DLGAP4: variants seen among roughly 807,000 people sequenced by gnomAD.
The protein encoded by DLGAP4 is DLG associated protein 4, also known as disks large-associated protein 4.
A neutral mutation model predicts 86.9 loss-of-function variants in DLGAP4; 18 were observed. The ratio of observed to expected loss-of-function variants is 0.21; its 90% CI spans 0.14 to 0.31. The LOEUF (loss-of-function observed/expected upper bound fraction) is 0.31. Among genes scored for constraint, DLGAP4 ranks in the 10% least tolerant of loss-of-function variants. DLGAP4 has a pLI of 1.00. For missense variants in DLGAP4, 1,085 were observed against 1,362.6 expected (o/e 0.80, Z 3.21); for synonymous variants, 548 against 574.3 (o/e 0.95, Z 0.65).
chr20:36,396,468 CAT>C (rs1299574393), intron 2 of DLGAP4, among the ~76,000 whole-genome samples: 22 of 10,012 alleles, frequency 2.2e-3, no homozygotes, highest in African/African-American at 5.4e-3. Context: ...CACACACACA[CAT>C]ACACATCACA....
intron 7 of DLGAP4, chr20:36,461,925 C>T (rs2034099842): frequency 2.0e-6 from 2 of 985,016 alleles, no homozygotes; most frequent in Non-Finnish European, 2.4e-6. Flanking sequence ...TCAGAGCGCT[C>T]TTCAGCCCTC....
At chr20:36,400,423 A>G (rs1489051014) in intron 2 of DLGAP4, among the ~76,000 whole-genome samples, 1 of 152,200 alleles carries the variant, frequency 6.6e-6, no homozygotes, top group Non-Finnish European at 1.5e-5. Flanking sequence ...GTGCTTTACA[A>G]TATGAGTCGT....
chr20:36,327,301 A>G (rs1460854301), intron 1 of DLGAP4, among the ~76,000 whole-genome samples: 1 of 151,914 alleles, frequency 6.6e-6, no homozygotes, highest in African/African-American at 2.4e-5. Context: ...TGCCTGACCT[A>G]AGATTTACTC....
chr20:36,317,223 T>TTTTCTTTCTTTCTTTCTTTC (rs1229773592), intron 1 of DLGAP4, among the ~76,000 whole-genome samples: 1 of 93,774 alleles, frequency 1.1e-5, no homozygotes, highest in African/African-American at 4.0e-5. Flanking sequence ...TCCTCTCCTT[T>TTTTCTTTCTTTCTTTCTTTC]TTTCTTTCTT....
At position 36,500,070 on chromosome 20, in the gene DLGAP4, C is replaced by T. The variant is rs2036071114; in HGVS notation, c.2100-129C>T. The T allele has an allele frequency of 8.0e-6, 9 of 1,121,772 alleles. No homozygotes were observed. Among genetic ancestry groups the T allele is most frequent in the South Asian group, 4.9e-5 (3 of 60,632 alleles). 69.5% of individuals were successfully genotyped at this position (1,121,772 alleles called of 1,614,324 possible). A position where few individuals can be genotyped will look rare whatever the true frequency, so the allele number is the denominator to read the frequency against. ...TGGGGGCTGTGGGACCCGCTTCAGG[C>T]GCATGGTGAGCAGATGATGCATCCG... On this transcript the variant is annotated intron_variant, in intron 9 of 12. Transcript: ENST00000339266. This position sits in a 1 kb window ranked among gnomAD's most constrained non-coding sequence, Gnocchi z 4.6.
At chr20:36,472,327 C>T (rs747213780) in intron 7 of DLGAP4, among the ~76,000 whole-genome samples, 14 of 151,868 alleles carry the variant, frequency 9.2e-5, no homozygotes, top group African/African-American at 1.5e-4. Flanking sequence ...CATAGCGAAA[C>T]GCCGTCTCTA....
intron 2 of DLGAP4, among the ~76,000 whole-genome samples, chr20:36,429,802 A>G (rs1365417931): frequency 6.6e-6 from 1 of 152,192 alleles, no homozygotes; most frequent in African/African-American, 2.4e-5. Context: ...TCACATTTGC[A>G]AAATAACCAC....
chr20:36,438,703 C>CTTTTTT (rs35909803), intron 4 of DLGAP4, among the ~76,000 whole-genome samples: 1 of 69,528 alleles, frequency 1.4e-5, no homozygotes, highest in Non-Finnish European at 3.1e-5. Context: ...GTTTCCCCAT[C>CTTTTTT]TTTTTTTTTT....
intron 1 of DLGAP4, among the ~76,000 whole-genome samples, chr20:36,351,164 C>T (rs2030139138): frequency 6.6e-6 from 1 of 152,220 alleles, no homozygotes; most frequent in African/African-American, 2.4e-5. Context: ...ACCCACTGCT[C>T]CCACTCTGTT....
rs547332235 is a variant in DLGAP4 at position 36,335,957 on chromosome 20, A to C, written c.-304+29445A>C. Reference sequence around the variant, plus strand: ...GACCTGGCAGATCAGATCAGAGAGGAATATTGTCGAGTGAAGGATGACAGG... The same window carrying C: ...GACCTGGCAGATCAGATCAGAGAGGCATATTGTCGAGTGAAGGATGACAGG... On this transcript the variant is annotated intron_variant, in intron 1 of 12. Coordinates refer to ENST00000339266, the MANE Select transcript of DLGAP4 (RefSeq NM_001365621.2). Among the ~76,000 whole-genome samples, 3 of 152,180 alleles carry C rather than the reference A, an allele frequency of 2.0e-5. No homozygotes were observed. The South Asian group carries it at 6.2e-4, about 32-fold the overall frequency.
intron 2 of DLGAP4, among the ~76,000 whole-genome samples, chr20:36,376,029 C>T (rs1457970745): frequency 1.3e-5 from 2 of 152,016 alleles, no homozygotes; most frequent in African/African-American, 2.4e-5. Context: ...CAGTGTCTCT[C>T]GATCTGTTGC....
intron 2 of DLGAP4, among the ~76,000 whole-genome samples, chr20:36,375,387 A>ATGGGTCATCTCCAATACTT (rs1488444340): frequency 6.6e-6 from 1 of 152,182 alleles, no homozygotes; most frequent in East Asian, 1.9e-4. Flanking sequence ...GCTGTGTTTT[A>ATGGGTCATCTCCAATACTT]TGGGTCATCT....
At position 36,318,884 on chromosome 20, in the gene DLGAP4, G is replaced by A. The variant is rs957063602; in HGVS notation, c.-304+12372G>A. ...ACTGAAGGCAGGCGCGGTGGCTCAC[G>A]CCTGTAATCTTAGCACTTTGGGAGG... is the stretch of plus-strand genomic sequence containing the variant. On this transcript the variant is annotated intron_variant, in intron 1 of 12. Transcript: ENST00000339266. 5.3e-5 allele frequency among the ~76,000 whole-genome samples: 8 copies of A among 152,280 alleles called. No individual in the cohort carries two copies. The East Asian group carries it at 7.7e-4, about 15-fold the overall frequency.
In DLGAP4 at chr20:36,432,310, G is replaced by C; in HGVS notation, c.593G>C (p.Arg198Pro). Residue 198 changes from arginine to proline, a missense_variant, in exon 3 of 13, where the codon CGC (arginine) becomes CCC (proline). Arg to Pro is a moderately radical substitution (Grantham distance 103, BLOSUM62 -2). This residue lies in a region of DLGAP4 where 1,082 missense variants were observed against 1,344.1 expected (regional missense o/e 0.81). Coordinates refer to ENST00000339266, the MANE Select transcript of DLGAP4 (RefSeq NM_001365621.2). The surrounding 1 kb of genome is among the most constrained non-coding windows in gnomAD (Gnocchi z 6.5). ...GCTGGGGAGCCCAAACGGCGCAGCC[G>C]CTCCAACATCTCAGGCTGGTGGAGC... ...AKAGEPKRRS[R>P]SNISGWWSSD... is the part of the protein sequence containing the mutation. 1 of 1,613,722 alleles carries C rather than the reference G, an allele frequency of 6.2e-7. No homozygotes were observed. Among genetic ancestry groups the C allele is most frequent in the Non-Finnish European group, 8.5e-7 (1 of 1,179,860 alleles).
chr20:36,456,599 T>G (rs1055088506), intron 7 of DLGAP4, among the ~76,000 whole-genome samples: 1 of 152,218 alleles, frequency 6.6e-6, no homozygotes, highest in Non-Finnish European at 1.5e-5. Context: ...CAGAGGACAC[T>G]GGGCAGAAGG....
chr20:36,526,885 G>C lies in DLGAP4; in HGVS notation c.2833G>C (p.Ala945Pro), dbSNP rs746615368. The C allele has an allele frequency of 1.2e-6, 2 of 1,612,892 alleles. No homozygotes were observed. Among genetic ancestry groups the C allele is most frequent in the East Asian group, 4.5e-5 (2 of 44,808 alleles). The change falls in exon 13 of 13, where the codon GCC (alanine) becomes CCC (proline). Residue 945 changes from alanine to proline, a missense_variant. Around this residue, in one of 2 missense-constraint regions of DLGAP4, gnomAD observed 1,082 missense variants for 1,344.1 expected, o/e 0.81. Coordinates refer to ENST00000339266, the MANE Select transcript of DLGAP4 (RefSeq NM_001365621.2). The part of the protein sequence containing the change: ...KSKPAVSRDK[A>P]SDASDKQRQE... The stretch of plus-strand genomic sequence containing the variant: ...CAAGCCGGCAGTGAGCCGCGACAAG[G>C]CCTCAGACGCCAGCGACAAGCAGCG...
intron 2 of DLGAP4, among the ~76,000 whole-genome samples, chr20:36,379,482 T>C (rs552397703): frequency 6.9e-4 from 105 of 152,278 alleles, no homozygotes; most frequent in African/African-American, 2.5e-3. Flanking sequence ...AGCGGAATCC[T>C]GGGACTCGAG....
chr20:36,430,436 T>C (rs949322572), intron 2 of DLGAP4, among the ~76,000 whole-genome samples: 12 of 152,138 alleles, frequency 7.9e-5, no homozygotes, highest in Non-Finnish European at 1.8e-4. Context: ...GGCTTCCATT[T>C]GACATAGGAA....
intron 3 of DLGAP4, among the ~76,000 whole-genome samples, chr20:36,435,349 G>T (rs971834634): frequency 6.6e-6 from 1 of 152,174 alleles, no homozygotes; most frequent in Non-Finnish European, 1.5e-5. Context: ...ACTGCCCTGG[G>T]GCAGCCAGCA....
Sources: gnomAD v4.1 joint callset for allele counts (sites outside exome capture counted in the v4.1 genomes callset) on GRCh38, gnomAD v4.1.1 for gene constraint, gnomAD v4.1.1 regional missense constraint, Gnocchi (gnomAD v3.1) non-coding constraint, MANE v1.5 for transcripts, NCBI Gene and HGNC (gene_info 2026-07-23, HGNC 2026-07-21) for gene names.